Variants in PCDH7 observed in about 807,000 individuals in gnomAD.
PCDH7 encodes protocadherin 7.
Under a neutral mutation model 58.9 loss-of-function variants are expected in PCDH7, and 17 were observed. That is an observed-to-expected ratio of 0.29 (90% confidence interval 0.20 to 0.43). PCDH7 has a LOEUF of 0.43. Among genes scored for constraint, PCDH7 ranks in the 20% least tolerant of loss-of-function variants. The pLI, the probability that PCDH7 is intolerant of heterozygous loss-of-function variation, is 1.00. For synonymous variants in PCDH7, 664 were observed against 616.4 expected, an observed-to-expected ratio of 1.08 and a Z score of -1.14; for missense variants, 1,274 against 1,441.0, an observed-to-expected ratio of 0.88 and a Z score of 1.88.
At chr4:30,943,865 C>CTTTTTT (rs1746355694) in intron 2 of PCDH7, among the ~76,000 whole-genome samples, 1 of 151,942 alleles carries the variant, frequency 6.6e-6, no homozygotes. Flanking sequence ...AGTTTGGTCT[C>CTTTTTT]TTTTGTGGAA....
chr4:31,130,333 A>T (rs1045092938), intron 3 of PCDH7, among the ~76,000 whole-genome samples: 1 of 152,206 alleles, frequency 6.6e-6, no homozygotes, highest in Admixed American at 6.5e-5. Flanking sequence ...TGGATACTAG[A>T]GTGAAGTAGA....
intron 2 of PCDH7, among the ~76,000 whole-genome samples, chr4:30,949,162 T>C (rs1747065261): frequency 6.6e-6 from 1 of 152,194 alleles, no homozygotes; most frequent in Admixed American, 6.5e-5. Context: ...TATTTCATTT[T>C]TTTACATTAC....
At chr4:31,020,857 G>A (rs1753968182) in intron 3 of PCDH7, among the ~76,000 whole-genome samples, 1 of 152,080 alleles carries the variant, frequency 6.6e-6, no homozygotes, top group African/African-American at 2.4e-5. Flanking sequence ...GTTTGATTAG[G>A]ATTCACATTG....
intron 1 of PCDH7, among the ~76,000 whole-genome samples, chr4:30,788,366 G>T (rs1723682131): frequency 6.6e-6 from 1 of 151,774 alleles, no homozygotes. Flanking sequence ...TTTTTATCTT[G>T]CCGATTGACT....
intron 3 of PCDH7, among the ~76,000 whole-genome samples, chr4:31,065,496 G>T (rs545494370): frequency 1.3e-5 from 2 of 152,050 alleles, no homozygotes; most frequent in African/African-American, 4.8e-5. Context: ...TAAAATTAAT[G>T]CTTCTCCAAT....
intron 1 of PCDH7, among the ~76,000 whole-genome samples, chr4:30,911,331 C>G (rs866637219): frequency 1.1e-5 from 1 of 94,034 alleles, no homozygotes; most frequent in South Asian, 3.7e-4. Flanking sequence ...CCCCCCCCCC[C>G]AAAAAAAAGA....
At chr4:30,807,958 A>G (rs558986440) in intron 1 of PCDH7, among the ~76,000 whole-genome samples, 11 of 152,322 alleles carry the variant, frequency 7.2e-5, no homozygotes, top group African/African-American at 1.9e-4. Context: ...AAGTATATGC[A>G]GTCACAGCGG....
At chr4:31,125,500 T>C (rs1044641836) in intron 3 of PCDH7, among the ~76,000 whole-genome samples, 1 of 152,244 alleles carries the variant, frequency 6.6e-6, no homozygotes, top group Non-Finnish European at 1.5e-5. Context: ...AGACTGCCCC[T>C]GGCATATGAT....
chr4:31,061,363 A>G (rs1414720278), intron 3 of PCDH7, among the ~76,000 whole-genome samples: 2 of 151,666 alleles, frequency 1.3e-5, no homozygotes, highest in Non-Finnish European at 3.0e-5. Flanking sequence ...TGTATAATGC[A>G]TAGGGTGTTT....
intron 1 of PCDH7, among the ~76,000 whole-genome samples, chr4:30,744,476 C>A (rs1194659919): frequency 6.6e-6 from 1 of 152,126 alleles, no homozygotes; most frequent in African/African-American, 2.4e-5. Flanking sequence ...TATTTAACTC[C>A]CAATTATTAA....
intron 1 of PCDH7, among the ~76,000 whole-genome samples, chr4:30,858,505 C>T (rs1009195593): frequency 6.6e-5 from 10 of 152,014 alleles, no homozygotes; most frequent in African/African-American, 2.4e-4. Flanking sequence ...TTATTCTAAC[C>T]GGTGCAAGTA....
At chr4:31,127,099 G>A (rs1220683864) in intron 3 of PCDH7, among the ~76,000 whole-genome samples, 1 of 152,152 alleles carries the variant, frequency 6.6e-6, no homozygotes, top group African/African-American at 2.4e-5. Context: ...AAAAAAGAGA[G>A]ACTTAAATAA....
chr4:30,823,260 T>A (rs914272896), intron 1 of PCDH7, among the ~76,000 whole-genome samples: 2 of 152,192 alleles, frequency 1.3e-5, no homozygotes, highest in Non-Finnish European at 2.9e-5. Flanking sequence ...TGCTTTCTTC[T>A]TATCTCTTTC....
intron 1 of PCDH7, among the ~76,000 whole-genome samples, chr4:30,754,410 G>C (rs902223243): frequency 6.6e-6 from 1 of 152,120 alleles, no homozygotes; most frequent in African/African-American, 2.4e-5. Context: ...TCTACCGAAA[G>C]CATGATATAT....
At position 31,046,830 on chromosome 4, in the gene PCDH7, TA is replaced by T. The variant is rs546435433; in HGVS notation, c.*8-95639del. On this transcript the variant is annotated intron_variant, in intron 3 of 3. Coordinates refer to the PCDH7 transcript ENST00000509759. The stretch of plus-strand genomic sequence containing the variant: ...TTGGAGATTTTTTGCAAATACCACT[TA>T]AAAGGAAAAATCAATTAGTTATAAT... Among the ~76,000 whole-genome samples the T allele has an allele frequency of 3.7e-3, 556 of 152,120 alleles. 2 individuals are homozygous for T. The highest frequency in any genetic ancestry group is 0.012 in the African/African-American group (508 of 41,558).
intron 1 of PCDH7, among the ~76,000 whole-genome samples, chr4:30,801,174 G>A (rs1385399115): frequency 6.6e-6 from 1 of 152,070 alleles, no homozygotes; most frequent in Non-Finnish European, 1.5e-5. Context: ...TAGATGTTGG[G>A]GAAAAGAGAA....
At chr4:31,014,451 A>G (rs969453736) in intron 3 of PCDH7, among the ~76,000 whole-genome samples, 2 of 152,160 alleles carry the variant, frequency 1.3e-5, no homozygotes, top group Non-Finnish European at 2.9e-5. Context: ...AAAGACAGGA[A>G]TGTACAAGAT....
At chr4:30,861,094 C>G (rs1283687011) in intron 1 of PCDH7, among the ~76,000 whole-genome samples, 1 of 152,118 alleles carries the variant, frequency 6.6e-6, no homozygotes, top group Non-Finnish European at 1.5e-5. Context: ...GGAGCATGTG[C>G]GCAAGAGAGA....
intron 3 of PCDH7, among the ~76,000 whole-genome samples, chr4:30,977,846 T>A (rs1750208109): frequency 6.6e-6 from 1 of 152,196 alleles, no homozygotes; most frequent in Non-Finnish European, 1.5e-5. Flanking sequence ...GTTTTAAGAA[T>A]TCTGAACAAT....
Sources: allele counts gnomAD v4.1 joint callset (sites outside exome capture counted in the v4.1 genomes callset), GRCh38; gene constraint gnomAD v4.1.1; transcripts MANE v1.5; gene names NCBI Gene and HGNC (gene_info 2026-07-23, HGNC 2026-07-21).